The following STX8 variants were observed in gnomAD, a reference collection of about 807,000 sequenced individuals.
STX8 encodes the protein syntaxin 8, also known as syntaxin-8.
Under a neutral mutation model 37.5 loss-of-function variants are expected in STX8, and 23 were observed. The ratio of observed to expected loss-of-function variants is 0.61; its 90% CI spans 0.44 to 0.87. The LOEUF is 0.87. Ranked by LOEUF, STX8 falls within the 40% of genes least tolerant of loss-of-function variation. The probability of loss-of-function intolerance (pLI) is 0.00; values close to 1 mark genes in which losing one functional copy is unlikely to be tolerated. For missense variants in STX8, 313 were observed against 284.7 expected (o/e 1.10, Z -0.71); for synonymous variants, 115 against 99.1 (o/e 1.16, Z -0.95).
intron 6 of STX8, among the ~76,000 whole-genome samples, chr17:9,435,683 G>A (rs2142377957): frequency 6.6e-6 from 1 of 152,290 alleles, no homozygotes; most frequent in Non-Finnish European, 1.5e-5. Flanking sequence ...AGGGCCTTTA[G>A]TAACAGCCTA....
intron 5 of STX8, among the ~76,000 whole-genome samples, chr17:9,492,708 G>A (rs567826665): frequency 6.6e-6 from 1 of 152,244 alleles, no homozygotes; most frequent in East Asian, 1.9e-4. Context: ...AGCCACTTTG[G>A]GAAGCCAAGG....
At position 9,323,568 on chromosome 17, in the gene STX8, G is replaced by C. The variant is rs11871235; in HGVS notation, c.643+54984C>G. Reference sequence around the variant, plus strand: ...GCAGAAGGCAATCAGAAGAACGGTGGGATCACGGTGGGATCACCGAATGCC... The same window carrying C: ...GCAGAAGGCAATCAGAAGAACGGTGCGATCACGGTGGGATCACCGAATGCC... On this transcript the variant is annotated intron_variant, in intron 7 of 7. Coordinates refer to ENST00000306357, the MANE Select transcript of STX8 (RefSeq NM_004853.3). Among the ~76,000 whole-genome samples the C allele has an allele frequency of 8.3e-3, 1,248 of 151,114 alleles. 20 individuals are homozygous for C. Among genetic ancestry groups the C allele is most frequent in the African/African-American group, 0.029 (1,185 of 41,076 alleles).
intron 7 of STX8, among the ~76,000 whole-genome samples, chr17:9,349,316 C>CTT (rs61627405): frequency 0.018 from 2,003 of 109,704 alleles, 92 homozygotes; most frequent in African/African-American, 0.062. Context: ...ATTTTCTTTT[C>CTT]TTTTTTTTTT....
At chr17:9,397,600 G>A (rs953021595) in intron 6 of STX8, among the ~76,000 whole-genome samples, 1 of 152,074 alleles carries the variant, frequency 6.6e-6, no homozygotes, top group Non-Finnish European at 1.5e-5. Flanking sequence ...ATAACCAAAG[G>A]TGGAAGATTC....
chr17:9,315,100 C>CAA (rs58632329), intron 7 of STX8, among the ~76,000 whole-genome samples: 5 of 108,958 alleles, frequency 4.6e-5, no homozygotes, highest in African/African-American at 1.3e-4. Flanking sequence ...GACTCTGTCT[C>CAA]AAAAAAAAAA....
chr17:9,398,132 C>T (rs747107131), intron 6 of STX8, among the ~76,000 whole-genome samples: 1 of 152,054 alleles, frequency 6.6e-6, no homozygotes, highest in Non-Finnish European at 1.5e-5. Flanking sequence ...TAGGTGTAGG[C>T]TGCATGTAGT....
intron 6 of STX8, among the ~76,000 whole-genome samples, chr17:9,488,777 G>T (rs957560290): frequency 2.0e-5 from 3 of 151,428 alleles, no homozygotes; most frequent in Non-Finnish European, 4.4e-5. Context: ...CTAGCCCACA[G>T]AACTGTAAGA....
rs111913529 is a variant in STX8, at chr17:9,366,466, G to A, written c.643+12086C>T. Among the ~76,000 whole-genome samples the A allele has an allele frequency of 7.6e-3, 1,164 of 152,236 alleles. 14 individuals carry two copies. The highest frequency in any genetic ancestry group is 0.027 in the African/African-American group (1,115 of 41,534). On this transcript the variant is annotated intron_variant, in intron 7 of 7. Coordinates refer to ENST00000306357, the MANE Select transcript of STX8 (RefSeq NM_004853.3). ...AGGCTGGTCTTGAACTCCTGACCTC[G>A]TGATCTGCCCACCTTGGCCTTCCAA...
intron 4 of STX8, among the ~76,000 whole-genome samples, chr17:9,506,621 C>T (rs942937082): frequency 2.6e-5 from 4 of 152,106 alleles, no homozygotes; most frequent in African/African-American, 9.7e-5. Context: ...ATATGAAGGC[C>T]TTCTCCCTGT....
intron 6 of STX8, among the ~76,000 whole-genome samples, chr17:9,434,038 CTA>C (rs1216801708): frequency 6.6e-6 from 1 of 151,882 alleles, no homozygotes; most frequent in African/African-American, 2.4e-5. Context: ...GAGGCTCACT[CTA>C]TCGCCTAGGC....
At chr17:9,429,530 C>T (rs1266489370) in intron 6 of STX8, among the ~76,000 whole-genome samples, 1 of 141,370 alleles carries the variant, frequency 7.1e-6, no homozygotes, top group African/African-American at 2.6e-5. Flanking sequence ...GGTGAAACCC[C>T]ATCTCTACTA....
chr17:9,274,602 G>C (rs1372430871), intron 7 of STX8, among the ~76,000 whole-genome samples: 1 of 149,938 alleles, frequency 6.7e-6, no homozygotes, highest in Non-Finnish European at 1.5e-5. Context: ...TGTGAACCCC[G>C]GAGGCAGAGC....
rs35460018 is a variant in STX8 at position 9,354,318 on chromosome 17, C to CTTTT, written c.643+24230_643+24233dup. ...TTTCCTGGAATTAATAATTGTCTCA[C>CTTTT]TTTTTTTTTTTTTTTTTTTTTGAGA... is the stretch of plus-strand genomic sequence containing the variant. On this transcript the variant is annotated intron_variant, in intron 7 of 7. Transcript: ENST00000306357. Among the ~76,000 whole-genome samples, 271 of 119,740 alleles carry CTTTT rather than the reference C, an allele frequency of 2.3e-3. 11 individuals carry two copies. Among genetic ancestry groups the CTTTT allele is most frequent in the African/African-American group, 7.9e-3 (246 of 31,082 alleles). 78.6% of individuals were successfully genotyped at this position (119,740 alleles called of 152,430 possible).
At chr17:9,332,377 C>T (rs115594457) in intron 7 of STX8, among the ~76,000 whole-genome samples, 1 of 152,128 alleles carries the variant, frequency 6.6e-6, no homozygotes, top group Non-Finnish European at 1.5e-5. Flanking sequence ...ATCATCAGAT[C>T]GACGTGCTGC....
rs200315396 is a variant in STX8 at position 9,494,001 on chromosome 17, TTG to T, written c.449-2082_449-2081del. On this transcript the variant is annotated intron_variant, in intron 5 of 7. Coordinates refer to ENST00000306357, the MANE Select transcript of STX8 (RefSeq NM_004853.3). ...AGAAGTTCATATGTTTTGTTTTTTTTTGTTTTGTTTTTTTGTTGTTGTTGTTG... is the reference window on the plus strand; with the variant it reads ...AGAAGTTCATATGTTTTGTTTTTTTTTTTTGTTTTTTTGTTGTTGTTGTTG... 6.4e-5 allele frequency among the ~76,000 whole-genome samples: 4 copies of T among 62,158 alleles called. No homozygotes were observed. In the South Asian group the frequency reaches 2.1e-3, roughly 33 times the overall value. 40.8% of individuals were successfully genotyped at this position (62,158 alleles called of 152,430 possible).
At chr17:9,531,193 A>G (rs578201316) in intron 4 of STX8, among the ~76,000 whole-genome samples, 21 of 152,202 alleles carry the variant, frequency 1.4e-4, no homozygotes, top group Admixed American at 5.9e-4. Context: ...GTGAGTCTGG[A>G]TAACTGGTCA....
At chr17:9,304,507 CAAAAAAAAAAAAAA>C (rs35673905) in intron 7 of STX8, among the ~76,000 whole-genome samples, 2 of 56,886 alleles carry the variant, frequency 3.5e-5, no homozygotes, top group South Asian at 6.4e-4. Flanking sequence ...GAAACTGTCT[CAAAAAAAAAAAAAA>C]AAAAAAAAGA....
At chr17:9,287,531 T>C (rs893465895) in intron 7 of STX8, among the ~76,000 whole-genome samples, 10 of 152,176 alleles carry the variant, frequency 6.6e-5, no homozygotes, top group African/African-American at 2.4e-4. Context: ...CTCTTCCTGT[T>C]TGGCTCCCAG....
intron 3 of STX8, among the ~76,000 whole-genome samples, chr17:9,551,907 T>A (rs1906776172): frequency 1.3e-5 from 2 of 151,876 alleles, no homozygotes; most frequent in Non-Finnish European, 1.5e-5. Context: ...GGGGTGTAAC[T>A]TATATAGAAT....
Sources: gnomAD v4.1 joint callset for allele counts (sites outside exome capture counted in the v4.1 genomes callset) on GRCh38, gnomAD v4.1.1 for gene constraint, MANE v1.5 for transcripts, NCBI Gene and HGNC (gene_info 2026-07-23, HGNC 2026-07-21) for gene names.